Variants in SNTN observed in about 807,000 individuals in gnomAD.
The protein encoded by SNTN is sentan.
Under a neutral mutation model 12.3 loss-of-function variants are expected in SNTN, and 13 were observed. The observed-to-expected ratio is 1.05, with a 90% CI of 0.69 to 1.67. The LOEUF (loss-of-function observed/expected upper bound fraction) is 1.67, where lower values mean the gene tolerates loss of function less well. Ranked by LOEUF, SNTN falls within the 40% of genes most tolerant of loss-of-function variation. The probability of loss-of-function intolerance (pLI) is 0.00; values close to 1 mark genes in which losing one functional copy is unlikely to be tolerated. For synonymous variants in SNTN, 69 were observed against 58.5 expected (o/e 1.18, Z -0.82); for missense variants, 189 against 169.8 (o/e 1.11, Z -0.63).
chr3:63,657,787 T>A (rs774838296), intron 2 of SNTN, among the ~76,000 whole-genome samples: 1 of 152,202 alleles, frequency 6.6e-6, no homozygotes, highest in Non-Finnish European at 1.5e-5. Flanking sequence ...AAGTGGCTAA[T>A]CTTTCTATGG....
chr3:63,660,673 G>T (rs915255066), intron 3 of SNTN, among the ~76,000 whole-genome samples: 1 of 152,158 alleles, frequency 6.6e-6, no homozygotes, highest in African/African-American at 2.4e-5. Flanking sequence ...GAATGGTGGT[G>T]TTCCCACTCC....
chr3:63,657,287 G>C (rs1239843480), intron 2 of SNTN, among the ~76,000 whole-genome samples: 1 of 152,138 alleles, frequency 6.6e-6, no homozygotes, highest in Non-Finnish European at 1.5e-5. Context: ...GTCTTTCCCT[G>C]CACCCCCATT....
At chr3:63,659,617 C>A (rs1700719105) in intron 2 of SNTN, 108 bp from the exon 3 acceptor site, 1 of 1,338,670 alleles carries the variant, frequency 7.5e-7, no homozygotes, top group African/African-American at 1.5e-5. Context: ...AGGCAAAGGG[C>A]CAAGATTTAG....
Position 63,665,034 on chromosome 3 carries a change from T to C in SNTN, c.*939T>C, listed in dbSNP as rs574912412. 5.9e-5 allele frequency among the ~76,000 whole-genome samples: 9 copies of C among 152,262 alleles called. No individual in the cohort carries two copies. Among genetic ancestry groups the C allele is most frequent in the Non-Finnish European group, 1.3e-4 (9 of 68,030 alleles). On this transcript the variant is annotated 3_prime_UTR_variant, in exon 4 of 4. Coordinates refer to ENST00000343837, the MANE Select transcript of SNTN (RefSeq NM_001080537.2). ...TCCCAAAGTGCTGGGATTACAGGCT[T>C]GAGCCACCAAGTCTGGCCAAGGGGA...
intron 2 of SNTN, 98 bp from the exon 3 acceptor site, chr3:63,659,627 G>A: frequency 1.4e-6 from 2 of 1,420,804 alleles, no homozygotes; most frequent in Non-Finnish European, 1.9e-6. Flanking sequence ...CCAAGATTTA[G>A]AAGGTTCCCT....
At position 63,664,302 on chromosome 3, in the gene SNTN, T is replaced by C. The variant is rs1405016106; in HGVS notation, c.*207T>C. The stretch of plus-strand genomic sequence containing the variant: ...TGAATGATAAGGTCTCTGTGTGCTT[T>C]ACAATAGGATAGATTTGATACCACT... On this transcript the variant is annotated 3_prime_UTR_variant, in exon 4 of 4. Coordinates refer to ENST00000343837, the MANE Select transcript of SNTN (RefSeq NM_001080537.2). 3 of 506,812 alleles carry C rather than the reference T, an allele frequency of 5.9e-6. No individual in the cohort carries two copies. In the East Asian group the frequency reaches 1.0e-4, roughly 18 times the overall value. The allele number at this position is 506,812 out of a possible 1,614,324, so 31.4% of individuals were successfully genotyped here. A position where few individuals can be genotyped will look rare whatever the true frequency, so the allele number is the denominator to read the frequency against.
chr3:63,661,100 AT>A (rs1485993076), intron 3 of SNTN, among the ~76,000 whole-genome samples: 5 of 152,244 alleles, frequency 3.3e-5, no homozygotes, highest in Admixed American at 6.5e-5. Context: ...AGAGTAAAAA[AT>A]AATAGTGAAA....
At position 63,664,741 on chromosome 3, in the gene SNTN, T is replaced by C. The variant is rs1459109342; in HGVS notation, c.*646T>C. The C allele has an allele frequency of 6.8e-6, 1 of 146,452 alleles. No homozygotes were observed. The highest frequency in any genetic ancestry group is 1.9e-4 in the East Asian group (1 of 5,150). The allele number at this position is 146,452 out of a possible 1,614,324, so 9.1% of individuals were successfully genotyped here. On this transcript the variant is annotated 3_prime_UTR_variant, in exon 4 of 4. Transcript: ENST00000343837. Reference sequence around the variant, plus strand: ...GGCACAAGGGGAGTTTTTTATTTTATTTTATTTTATTTTATTTTATTTTAT... The same window carrying C: ...GGCACAAGGGGAGTTTTTTATTTTACTTTATTTTATTTTATTTTATTTTAT...
intron 2 of SNTN, among the ~76,000 whole-genome samples, chr3:63,655,800 A>G (rs1700673178): frequency 6.6e-6 from 1 of 152,220 alleles, no homozygotes; most frequent in Non-Finnish European, 1.5e-5. Context: ...AATGTTATTC[A>G]TCAAAATCAG....
intron 1 of SNTN, among the ~76,000 whole-genome samples, chr3:63,653,891 T>C (rs1700647493): frequency 6.6e-6 from 1 of 152,008 alleles, no homozygotes; most frequent in African/African-American, 2.4e-5. Flanking sequence ...TTAACCACTA[T>C]CTCCTTCTTT....
At chr3:63,663,346 G>C (rs1389115611) in intron 3 of SNTN, among the ~76,000 whole-genome samples, 1 of 152,178 alleles carries the variant, frequency 6.6e-6, no homozygotes, top group East Asian at 1.9e-4. Flanking sequence ...ATGATGATTA[G>C]AGGAGATAAC....
At chr3:63,657,383 GC>G (rs1700691720) in intron 2 of SNTN, among the ~76,000 whole-genome samples, 1 of 152,070 alleles carries the variant, frequency 6.6e-6, no homozygotes, top group Admixed American at 6.6e-5. Context: ...TTTACAATAT[GC>G]TTTCACATAC....
chr3:63,661,104 T>C (rs542445885), intron 3 of SNTN, among the ~76,000 whole-genome samples: 22 of 152,178 alleles, frequency 1.4e-4, no homozygotes, highest in Non-Finnish European at 2.8e-4. Flanking sequence ...TAAAAAATAA[T>C]AGTGAAAAAA....
intron 1 of SNTN, among the ~76,000 whole-genome samples, chr3:63,653,071 G>C (rs1700637895): frequency 6.6e-6 from 1 of 152,166 alleles, no homozygotes; most frequent in African/African-American, 2.4e-5. Flanking sequence ...TAACTGTGTA[G>C]CATATTCTCT....
intron 3 of SNTN, among the ~76,000 whole-genome samples, chr3:63,660,127 A>G (rs1700728121): frequency 6.6e-6 from 1 of 152,188 alleles, no homozygotes; most frequent in Admixed American, 6.5e-5. Flanking sequence ...TGAGAGTAAA[A>G]CAGAGGAACT....
At chr3:63,662,065 G>C (rs1700749031) in intron 3 of SNTN, among the ~76,000 whole-genome samples, 1 of 152,288 alleles carries the variant, frequency 6.6e-6, no homozygotes, top group Non-Finnish European at 1.5e-5. Context: ...CCAGGCCTCA[G>C]TGTAATCTTG....
At chr3:63,653,719 C>T (rs1700645948) in intron 1 of SNTN, among the ~76,000 whole-genome samples, 1 of 152,214 alleles carries the variant, frequency 6.6e-6, no homozygotes, top group African/African-American at 2.4e-5. Context: ...GATACAACTT[C>T]CTGCCTCCAA....
chr3:63,664,708 C>T lies in SNTN; in HGVS notation c.*613C>T, dbSNP rs1700782877. 6.7e-6 allele frequency: 1 copy of T among 149,704 alleles called. No individual in the cohort carries two copies. The highest frequency in any genetic ancestry group is 2.4e-5 in the African/African-American group (1 of 40,858). The allele number at this position is 149,704 out of a possible 1,614,324, so 9.3% of individuals were successfully genotyped here. A position where few individuals can be genotyped will look rare whatever the true frequency, so the allele number is the denominator to read the frequency against. ...GGATATGGGTGGGAAATGGGGCTGT[C>T]CACAAATGGCACAAGGGGAGTTTTT... On this transcript the variant is annotated 3_prime_UTR_variant, in exon 4 of 4. Transcript: ENST00000343837.
Position 63,652,764 on chromosome 3 carries a change from C to T in SNTN, c.77C>T (p.Thr26Ile), listed in dbSNP as rs763008217. Reference protein sequence around the residue: ...EGDPNPSAAPTSTCAPRKMPK... With the variant: ...EGDPNPSAAPISTCAPRKMPK... ...GATCCCAATCCTTCTGCAGCCCCAACATCCACCTGCGCACCTAGGAAAATG... is the reference window on the plus strand; with the variant it reads ...GATCCCAATCCTTCTGCAGCCCCAATATCCACCTGCGCACCTAGGAAAATG... Residue 26 changes from threonine to isoleucine, a missense_variant, in exon 1 of 4, where the codon ACA becomes ATA. Coordinates refer to ENST00000343837, the MANE Select transcript of SNTN (RefSeq NM_001080537.2). 21 of 1,613,986 alleles carry T rather than the reference C, an allele frequency of 1.3e-5. No homozygotes were observed. In the South Asian group the frequency reaches 2.1e-4, roughly 16 times the overall value.
Sources: gnomAD v4.1 joint callset for allele counts (sites outside exome capture counted in the v4.1 genomes callset) on GRCh38, gnomAD v4.1.1 for gene constraint, MANE v1.5 for transcripts, NCBI Gene and HGNC (gene_info 2026-07-23, HGNC 2026-07-21) for gene names.